The following TMEM132B variants were observed in gnomAD, a reference collection of about 807,000 sequenced individuals.
TMEM132B encodes the protein transmembrane protein 132B.
A neutral mutation model predicts 90.8 loss-of-function variants in TMEM132B; 18 were observed. That is an observed-to-expected ratio of 0.20 (90% CI 0.14 to 0.29). The LOEUF is 0.29. TMEM132B is among the 10% of genes least tolerant of loss of function. The probability of loss-of-function intolerance (pLI) is 1.00; values close to 1 mark genes in which losing one functional copy is unlikely to be tolerated. For missense variants in TMEM132B, 1,096 were observed against 1,326.8 expected (o/e 0.83, Z 2.70); for synonymous variants, 504 against 523.3 (o/e 0.96, Z 0.50).
At chr12:125,354,359 A>T (rs1566011390) in intron 2 of TMEM132B, among the ~76,000 whole-genome samples, 1 of 152,234 alleles carries the variant, frequency 6.6e-6, no homozygotes, top group South Asian at 2.1e-4. Context: ...GGGAGATTTT[A>T]TATACCATTT....
intron 5 of TMEM132B, among the ~76,000 whole-genome samples, chr12:125,630,688 C>A (rs187417711): frequency 1.3e-5 from 2 of 152,084 alleles, no homozygotes; most frequent in African/African-American, 2.4e-5. Flanking sequence ...TATTTTGTCA[C>A]CCAGGTACTA....
intron 2 of TMEM132B, among the ~76,000 whole-genome samples, chr12:125,370,650 C>G (rs1417648252): frequency 6.6e-6 from 1 of 152,168 alleles, no homozygotes; most frequent in Non-Finnish European, 1.5e-5. Flanking sequence ...CTCAAGCAAT[C>G]CTCCCGCGTC....
At chr12:125,585,676 C>T (rs1470755146) in intron 5 of TMEM132B, 1 of 152,302 alleles carries the variant, frequency 6.6e-6, no homozygotes, top group African/African-American at 2.4e-5. Flanking sequence ...TTCACAGATC[C>T]CGTTATTGCC....
Position 125,656,603 on chromosome 12 carries a change from G to A in TMEM132B, c.*1893G>A, listed in dbSNP as rs1463853662. On this transcript the variant is annotated 3_prime_UTR_variant, in exon 9 of 9. Transcript: ENST00000682704. ...TGAAGTTCCAAAAGTAGTTCAGTTTGATGGGATAAGGAAGCAAGGAGAGCC... is the reference window on the plus strand; with the variant it reads ...TGAAGTTCCAAAAGTAGTTCAGTTTAATGGGATAAGGAAGCAAGGAGAGCC... The A allele has an allele frequency of 6.6e-6, 1 of 152,228 alleles. No individual in the cohort carries two copies. The highest frequency in any genetic ancestry group is 1.5e-5 in the Non-Finnish European group (1 of 68,054). The allele number at this position is 152,228 out of a possible 1,614,324, so 9.4% of individuals were successfully genotyped here.
chr12:125,629,713 T>G (rs912769305), intron 5 of TMEM132B, among the ~76,000 whole-genome samples: 4 of 152,176 alleles, frequency 2.6e-5, no homozygotes, highest in East Asian at 1.9e-4. Flanking sequence ...CCCTGTCATG[T>G]TCCACATCTC....
chr12:125,484,062 C>T (rs775830634), intron 3 of TMEM132B, among the ~76,000 whole-genome samples: 6 of 152,082 alleles, frequency 3.9e-5, no homozygotes, highest in African/African-American at 7.2e-5. Context: ...CAACTTACCC[C>T]TCTTTTTTTG....
intron 1 of TMEM132B, among the ~76,000 whole-genome samples, chr12:125,282,335 ACTC>A (rs1875217159): frequency 6.6e-6 from 1 of 151,228 alleles, no homozygotes; most frequent in African/African-American, 2.4e-5. Flanking sequence ...ACTCTCCCTC[ACTC>A]CTCAGCTCAT....
chr12:125,278,365 G>A (rs1187835841), intron 1 of TMEM132B, among the ~76,000 whole-genome samples: 3 of 151,936 alleles, frequency 2.0e-5, no homozygotes, highest in African/African-American at 7.3e-5. Flanking sequence ...AGATTTTTAT[G>A]TGAATTCTCC....
intron 1 of TMEM132B, among the ~76,000 whole-genome samples, chr12:125,205,999 G>T (rs1381666556): frequency 1.3e-5 from 2 of 152,214 alleles, no homozygotes; most frequent in African/African-American, 4.8e-5. Context: ...GGTCTGGGGA[G>T]TGGTGGGGTG....
intron 6 of TMEM132B, among the ~76,000 whole-genome samples, chr12:125,644,985 A>G (rs1483590390): frequency 6.6e-6 from 1 of 152,030 alleles, no homozygotes; most frequent in Admixed American, 6.5e-5. Flanking sequence ...TGGGAGGCCA[A>G]GGCAGGCGGA....
At chr12:125,502,577 G>T (rs1177460687) in intron 3 of TMEM132B, among the ~76,000 whole-genome samples, 2 of 152,344 alleles carry the variant, frequency 1.3e-5, no homozygotes, top group Middle Eastern at 3.4e-3. Context: ...GAGCAGATGT[G>T]CAGTACTCTC....
At chr12:125,274,015 T>TC (rs1415531860) in intron 1 of TMEM132B, among the ~76,000 whole-genome samples, 1 of 152,144 alleles carries the variant, frequency 6.6e-6, no homozygotes, top group Admixed American at 6.5e-5. Context: ...TCATTCCCTC[T>TC]CCCCTCAGAA....
chr12:125,625,347 A>T (rs1350078403), intron 5 of TMEM132B, among the ~76,000 whole-genome samples: 1 of 151,858 alleles, frequency 6.6e-6, no homozygotes, highest in Non-Finnish European at 1.5e-5. Context: ...GTTAGCCAGG[A>T]TGGTCTCTAT....
intron 1 of TMEM132B, among the ~76,000 whole-genome samples, chr12:125,268,587 A>G (rs1426508085): frequency 3.3e-5 from 5 of 152,362 alleles, no homozygotes; most frequent in African/African-American, 1.2e-4. Context: ...GTATGTGACT[A>G]TGTTAAAAAG....
chr12:125,218,769 G>GTT (rs34905706), intron 1 of TMEM132B, among the ~76,000 whole-genome samples: 10,922 of 108,826 alleles, frequency 0.1, 887 homozygotes, highest in East Asian at 0.16. Flanking sequence ...TGTTGAAGCT[G>GTT]TTTTTTTTTT....
chr12:125,237,222 G>A (rs1873956786), intron 1 of TMEM132B, among the ~76,000 whole-genome samples: 1 of 152,116 alleles, frequency 6.6e-6, no homozygotes, highest in Non-Finnish European at 1.5e-5. Context: ...TAGCATCCTG[G>A]GGCCGTCACC....
At chr12:125,437,277 C>T (rs546381126) in intron 3 of TMEM132B, among the ~76,000 whole-genome samples, 3 of 152,134 alleles carry the variant, frequency 2.0e-5, no homozygotes, top group East Asian at 1.9e-4. Flanking sequence ...CTGATGCTGG[C>T]GGATCTGAAA....
At chr12:125,422,547 C>A (rs1880199364) in intron 3 of TMEM132B, among the ~76,000 whole-genome samples, 1 of 152,216 alleles carries the variant, frequency 6.6e-6, no homozygotes, top group African/African-American at 2.4e-5. Flanking sequence ...TGTCTATGTC[C>A]TCCTCCCCAG....
chr12:125,590,975 C>G (rs1430735118), intron 5 of TMEM132B, among the ~76,000 whole-genome samples: 2 of 152,096 alleles, frequency 1.3e-5, no homozygotes, highest in East Asian at 3.9e-4. Flanking sequence ...AAAATTGTCA[C>G]TCTTGAAGGT....
Sources: gnomAD v4.1 joint callset for allele counts (sites outside exome capture counted in the v4.1 genomes callset) on GRCh38, gnomAD v4.1.1 for gene constraint, MANE v1.5 for transcripts, NCBI Gene and HGNC (gene_info 2026-07-23, HGNC 2026-07-21) for gene names.